The following CENPP variants were observed in gnomAD, a reference collection of about 807,000 sequenced individuals.
The protein encoded by CENPP is centromere protein P.
In CENPP, 24 loss-of-function variants were observed where a neutral mutation model predicts 35.6. The ratio of observed to expected loss-of-function variants is 0.67; its 90% CI spans 0.49 to 0.95. The LOEUF is 0.95. Ranked by LOEUF, CENPP falls within the 40% of genes least tolerant of loss-of-function variation. The pLI is 0.00. For missense variants in CENPP, 332 were observed against 345.3 expected (o/e 0.96, Z 0.31); for synonymous variants, 120 against 125.5 (o/e 0.96, Z 0.29).
chr9:92,488,991 A>T (rs1329274301), intron 5 of CENPP, among the ~76,000 whole-genome samples: 1 of 152,268 alleles, frequency 6.6e-6, no homozygotes, highest in Non-Finnish European at 1.5e-5. Context: ...CATACAGAAA[A>T]GGGAACATAA....
intron 5 of CENPP, chr9:92,459,566 C>T (rs1048573686): frequency 6.0e-6 from 9 of 1,511,704 alleles, no homozygotes; most frequent in Non-Finnish European, 9.1e-7. Flanking sequence ...TTGAGGTGTG[C>T]TAAAGTGTGT....
At chr9:92,340,878 C>T (rs1269138405) in intron 3 of CENPP, among the ~76,000 whole-genome samples, 1 of 152,140 alleles carries the variant, frequency 6.6e-6, no homozygotes, top group Non-Finnish European at 1.5e-5. Context: ...AACAGGATAA[C>T]AGCAATTGTT....
At chr9:92,394,365 C>T (rs1052597773) in intron 5 of CENPP, among the ~76,000 whole-genome samples, 1 of 151,750 alleles carries the variant, frequency 6.6e-6, no homozygotes, top group Non-Finnish European at 1.5e-5. Flanking sequence ...GCCTCAGCCT[C>T]CTGAGTAGCT....
chr9:92,424,059 AC>A (rs1382312680), intron 5 of CENPP: 2 of 152,224 alleles, frequency 1.3e-5, no homozygotes, highest in Non-Finnish European at 2.9e-5. Flanking sequence ...GTTTAACATA[AC>A]TTTTTTACCA....
intron 5 of CENPP, among the ~76,000 whole-genome samples, chr9:92,585,495 A>T (rs542223426): frequency 6.6e-6 from 1 of 152,268 alleles, no homozygotes; most frequent in African/African-American, 2.4e-5. Flanking sequence ...CTTTGTATGG[A>T]CTTGATTTCA....
chr9:92,369,302 C>T (rs113214517), intron 4 of CENPP, among the ~76,000 whole-genome samples: 11 of 152,010 alleles, frequency 7.2e-5, no homozygotes, highest in Non-Finnish European at 1.3e-4. Flanking sequence ...CAGTGTAAGC[C>T]GGCTTAAGCT....
intron 5 of CENPP, among the ~76,000 whole-genome samples, chr9:92,534,011 G>A (rs902115760): frequency 1.3e-5 from 2 of 151,980 alleles, no homozygotes; most frequent in South Asian, 4.1e-4. Flanking sequence ...TGTTTTTGCT[G>A]TTTAATGTAT....
rs1045703518 is a variant in CENPP, at chr9:92,613,435, G to T, written c.*286G>T. ...TGTGTGTCCTCAGATGTGTGGGGAG[G>T]ATCCATCCCCCACCCACTGCAGCCT... is the stretch of plus-strand genomic sequence containing the variant. On this transcript the variant is annotated 3_prime_UTR_variant, in exon 8 of 8. Coordinates refer to ENST00000375587, the MANE Select transcript of CENPP (RefSeq NM_001012267.3). 1.2e-5 allele frequency: 4 copies of T among 337,570 alleles called. No homozygotes were observed. Among genetic ancestry groups the T allele is most frequent in the Non-Finnish European group, 2.3e-5 (4 of 175,728 alleles). 20.9% of individuals were successfully genotyped at this position (337,570 alleles called of 1,614,324 possible).
At chr9:92,479,688 G>C (rs531913837) in intron 5 of CENPP, among the ~76,000 whole-genome samples, 3 of 152,338 alleles carry the variant, frequency 2.0e-5, no homozygotes, top group Non-Finnish European at 4.4e-5. Flanking sequence ...CTCTCTGCTA[G>C]TTCTGTCTTC....
chr9:92,557,664 G>T (rs1849756111), intron 5 of CENPP, among the ~76,000 whole-genome samples: 1 of 152,066 alleles, frequency 6.6e-6, no homozygotes, highest in African/African-American at 2.4e-5. Context: ...TGTGTTTTGA[G>T]ACAGAGTCTT....
intron 4 of CENPP, among the ~76,000 whole-genome samples, chr9:92,374,408 G>A (rs1415379085): frequency 6.6e-6 from 1 of 152,060 alleles, no homozygotes; most frequent in Non-Finnish European, 1.5e-5. Flanking sequence ...GTTTCTCCAT[G>A]TTGGTCAGGC....
intron 5 of CENPP, among the ~76,000 whole-genome samples, chr9:92,466,022 AG>A (rs1845295855): frequency 6.6e-6 from 1 of 152,004 alleles, no homozygotes; most frequent in Non-Finnish European, 1.5e-5. Flanking sequence ...TAGTAGAGAC[AG>A]GGTTTTACTA....
intron 5 of CENPP, among the ~76,000 whole-genome samples, chr9:92,601,222 A>G (rs1333342903): frequency 6.6e-6 from 1 of 152,214 alleles, no homozygotes; most frequent in Non-Finnish European, 1.5e-5. Context: ...AAAACTGGTT[A>G]AAAATCCACA....
intron 5 of CENPP, chr9:92,470,751 A>G (rs756402866): frequency 2.5e-6 from 4 of 1,597,166 alleles, no homozygotes; most frequent in South Asian, 2.3e-5. Flanking sequence ...TCGAGTATCA[A>G]ATGGAATGTT....
At position 92,532,015 on chromosome 9, in the gene CENPP, G is replaced by GTTTTTTTTTTTGTTTTTTT; in HGVS notation, c.565-79288_565-79287insGTTTTTTTTTTTTTTTTTT. ...TTTTCTTTTTCTTTTTTTATTTAAT[G>GTTTTTTTTTTTGTTTTTTT]TTTTTTTTTTTTTATTTTATTTTTT... On this transcript the variant is annotated intron_variant, in intron 5 of 7. Coordinates refer to ENST00000375587, the MANE Select transcript of CENPP (RefSeq NM_001012267.3). 2.1e-5 allele frequency among the ~76,000 whole-genome samples: 2 copies of GTTTTTTTTTTTGTTTTTTT among 95,726 alleles called. 1 individual carries two copies. Among genetic ancestry groups the GTTTTTTTTTTTGTTTTTTT allele is most frequent in the African/African-American group, 1.2e-4 (2 of 16,864 alleles). The allele number at this position is 95,726 out of a possible 152,430, so 62.8% of individuals were successfully genotyped here.
intron 5 of CENPP, among the ~76,000 whole-genome samples, chr9:92,492,607 C>T (rs756501318): frequency 1.3e-4 from 20 of 152,132 alleles, no homozygotes; most frequent in African/African-American, 9.7e-5. Context: ...TTTCTCCCCT[C>T]GTTGGTAACA....
rs1227003393 is a variant in CENPP, at chr9:92,618,295, G to GCCCTC, written c.*5158_*5162dup. The GCCCTC allele has an allele frequency of 6.6e-6, 3 of 456,718 alleles. No homozygotes were observed. Among genetic ancestry groups the GCCCTC allele is most frequent in the South Asian group, 4.6e-5 (3 of 64,574 alleles). 28.3% of individuals were successfully genotyped at this position (456,718 alleles called of 1,614,324 possible). A position where few individuals can be genotyped will look rare whatever the true frequency, so the allele number is the denominator to read the frequency against. On this transcript the variant is annotated 3_prime_UTR_variant, in exon 8 of 8. Transcript: ENST00000375587. ...ACATGGCTCAGTGCCTTCAGGACAT[G>GCCCTC]CCCTCCCCTCCCCTCCTAGTGTCGT...
intron 5 of CENPP, among the ~76,000 whole-genome samples, chr9:92,525,843 G>C (rs753715964): frequency 6.8e-6 from 1 of 146,836 alleles, no homozygotes; most frequent in Non-Finnish European, 1.5e-5. Flanking sequence ...TGAGTAGCTA[G>C]GACTACAGGT....
intron 5 of CENPP, among the ~76,000 whole-genome samples, chr9:92,439,384 A>T (rs189181560): frequency 6.6e-6 from 1 of 152,098 alleles, no homozygotes; most frequent in East Asian, 1.9e-4. Flanking sequence ...AAATATATAT[A>T]TTTTTAAAAT....
Sources: allele counts gnomAD v4.1 joint callset (sites outside exome capture counted in the v4.1 genomes callset), GRCh38; gene constraint gnomAD v4.1.1; transcripts MANE v1.5; gene names NCBI Gene and HGNC (gene_info 2026-07-23, HGNC 2026-07-21).